MSI2: variants seen among roughly 807,000 people sequenced by gnomAD.
The protein encoded by MSI2 is musashi RNA binding protein 2.
A neutral mutation model predicts 45.6 loss-of-function variants in MSI2; 17 were observed. That is an observed-to-expected ratio of 0.37 (90% CI 0.26 to 0.56). The LOEUF (loss-of-function observed/expected upper bound fraction) is 0.56. MSI2 is among the 20% of genes least tolerant of loss of function. The pLI is 0.77. For synonymous variants in MSI2, 156 were observed against 158.2 expected (o/e 0.99, Z 0.11); for missense variants, 293 against 444.2 (o/e 0.66, Z 3.06).
intron 6 of MSI2, among the ~76,000 whole-genome samples, chr17:57,401,690 G>A (rs887157709): frequency 1.1e-4 from 17 of 152,370 alleles, no homozygotes; most frequent in African/African-American, 3.1e-4. Flanking sequence ...AGCAGACAGA[G>A]TGGCCTTTTA....
intron 5 of MSI2, among the ~76,000 whole-genome samples, chr17:57,300,822 T>G (rs1911359634): frequency 6.6e-6 from 1 of 152,170 alleles, no homozygotes; most frequent in Admixed American, 6.5e-5. Context: ...TTGTGAGACT[T>G]ATTCACTACC....
intron 10 of MSI2, chr17:57,632,824 A>G: frequency 9.4e-7 from 1 of 1,065,236 alleles, no homozygotes; most frequent in East Asian, 5.0e-5. Context: ...ATGTGAGTGA[A>G]TCCATACATT....
intron 8 of MSI2, among the ~76,000 whole-genome samples, chr17:57,611,500 A>G (rs145860764): frequency 1.0e-5 from 1 of 96,026 alleles, no homozygotes; most frequent in Non-Finnish European, 2.5e-5. Flanking sequence ...GTTGGTCTCC[A>G]AAGATTATCC....
At chr17:57,365,001 A>G (rs1444109114) in intron 5 of MSI2, 1 of 152,178 alleles carries the variant, frequency 6.6e-6, no homozygotes, top group Non-Finnish European at 1.5e-5. Context: ...TTAAAAAAAT[A>G]AAAACCACAC....
chr17:57,435,334 A>G (rs764534642), intron 6 of MSI2, among the ~76,000 whole-genome samples: 2 of 152,186 alleles, frequency 1.3e-5, no homozygotes, highest in Non-Finnish European at 2.9e-5. Context: ...GAAGGAAGAC[A>G]GGTGTGATGG....
chr17:57,570,732 C>T (rs2087854864), intron 7 of MSI2, among the ~76,000 whole-genome samples: 1 of 152,222 alleles, frequency 6.6e-6, no homozygotes, highest in Non-Finnish European at 1.5e-5. Context: ...CAGCATGGCG[C>T]CCACTGCAAT....
At chr17:57,319,152 C>T (rs1400764373) in intron 5 of MSI2, among the ~76,000 whole-genome samples, 2 of 152,206 alleles carry the variant, frequency 1.3e-5, no homozygotes, top group Non-Finnish European at 2.9e-5. Flanking sequence ...GAGACAATTG[C>T]TTAGATGGTT....
Position 57,256,620 on chromosome 17 carries a change from G to C in MSI2, c.-123G>C, listed in dbSNP as rs1486577406. 2 of 454,378 alleles carry C rather than the reference G, an allele frequency of 4.4e-6. No homozygotes were observed. The highest frequency in any genetic ancestry group is 8.8e-5 in the Admixed American group (2 of 22,802). 28.1% of individuals were successfully genotyped at this position (454,378 alleles called of 1,614,324 possible). The stretch of plus-strand genomic sequence containing the variant: ...TCGCAGAGAGATTCGGAGGAGCCCG[G>C]GCGGGGGGGAGGAGGAGGGGGAGGA... On this transcript the variant is annotated 5_prime_UTR_variant, in exon 1 of 14. Transcript: ENST00000284073.
chr17:57,662,483 C>T lies in MSI2; in HGVS notation c.790+10322C>T, dbSNP rs534217069. Among the ~76,000 whole-genome samples the T allele has an allele frequency of 1.2e-4, 19 of 152,366 alleles. 1 individual carries two copies. The East Asian group carries it at 3.7e-3, about 29-fold the overall frequency. Reference sequence around the variant, plus strand: ...TTCTCATAACCCTATGAAGTGAGCACTGTCATTCTCATTCCCATTTTAAAG... The same window carrying T: ...TTCTCATAACCCTATGAAGTGAGCATTGTCATTCTCATTCCCATTTTAAAG... On this transcript the variant is annotated intron_variant, in intron 11 of 13. Coordinates refer to ENST00000284073, the MANE Select transcript of MSI2 (RefSeq NM_138962.4).
chr17:57,620,015 C>G (rs1908139845), intron 9 of MSI2, among the ~76,000 whole-genome samples: 1 of 152,206 alleles, frequency 6.6e-6, no homozygotes, highest in Non-Finnish European at 1.5e-5. Context: ...CCTATCCAGC[C>G]CAACCCCAGG....
At chr17:57,462,900 C>T (rs2085258248) in intron 6 of MSI2, among the ~76,000 whole-genome samples, 1 of 152,238 alleles carries the variant, frequency 6.6e-6, no homozygotes, top group Non-Finnish European at 1.5e-5. Context: ...AGCACTCAGA[C>T]ATTCTCCTGG....
chr17:57,512,811 C>T (rs1236111302), intron 6 of MSI2, among the ~76,000 whole-genome samples: 3 of 152,106 alleles, frequency 2.0e-5, no homozygotes, highest in Non-Finnish European at 4.4e-5. Context: ...ATTTTAACTT[C>T]ACTTAGCATC....
intron 5 of MSI2, among the ~76,000 whole-genome samples, chr17:57,293,595 G>GT (rs71139983): frequency 0.036 from 4,820 of 134,688 alleles, 231 homozygotes; most frequent in African/African-American, 0.12. Flanking sequence ...TTGTTTTTTT[G>GT]TTTTTTTTTT....
At chr17:57,354,433 G>A (rs1410406067) in intron 5 of MSI2, among the ~76,000 whole-genome samples, 4 of 152,140 alleles carry the variant, frequency 2.6e-5, no homozygotes, top group Non-Finnish European at 5.9e-5. Context: ...TGAGCAGGAT[G>A]GTCAAGGTCA....
At chr17:57,545,755 T>C (rs1185610779) in intron 7 of MSI2, among the ~76,000 whole-genome samples, 2 of 152,200 alleles carry the variant, frequency 1.3e-5, no homozygotes, top group African/African-American at 4.8e-5. Flanking sequence ...TTTATTATTA[T>C]TATGACGACT....
intron 6 of MSI2, among the ~76,000 whole-genome samples, chr17:57,482,155 G>T (rs2085660667): frequency 6.6e-6 from 1 of 152,182 alleles, no homozygotes; most frequent in Non-Finnish European, 1.5e-5. Flanking sequence ...AACTGAAAGA[G>T]ATATCTCACA....
intron 7 of MSI2, among the ~76,000 whole-genome samples, chr17:57,591,259 A>G (rs538506824): frequency 8.5e-5 from 13 of 152,206 alleles, no homozygotes; most frequent in Non-Finnish European, 8.8e-5. Flanking sequence ...TGAGAAGGAA[A>G]TAATCATGAC....
At chr17:57,455,558 A>G (rs764866638) in intron 6 of MSI2, among the ~76,000 whole-genome samples, 8 of 152,174 alleles carry the variant, frequency 5.3e-5, no homozygotes, top group Non-Finnish European at 1.0e-4. Flanking sequence ...TCTTTAAACA[A>G]GCGCAGTTCT....
chr17:57,583,321 C>T (rs1380832248), intron 7 of MSI2, among the ~76,000 whole-genome samples: 1 of 152,196 alleles, frequency 6.6e-6, no homozygotes, highest in South Asian at 2.1e-4. Flanking sequence ...GAAACATTTC[C>T]TCTTTTCCTT....
Sources: allele counts gnomAD v4.1 joint callset (sites outside exome capture counted in the v4.1 genomes callset), GRCh38; gene constraint gnomAD v4.1.1; transcripts MANE v1.5; gene names NCBI Gene and HGNC (gene_info 2026-07-23, HGNC 2026-07-21).